Variants in FSIP2 observed in about 807,000 individuals in gnomAD.
FSIP2 encodes the protein fibrous sheath-interacting protein 2.
In FSIP2, 367 loss-of-function variants were observed where a neutral mutation model predicts 510.5. The observed-to-expected ratio is 0.72, with a 90% confidence interval of 0.66 to 0.78. The LOEUF is 0.78. Ranked by LOEUF, FSIP2 falls within the 30% of genes least tolerant of loss-of-function variation. The pLI is 0.00. For synonymous variants in FSIP2, 2,601 were observed against 2,732.2 expected (o/e 0.95, Z 1.50); for missense variants, 7,594 against 7,901.7 (o/e 0.96, Z 1.48).
intron 1 of FSIP2, 64 bp from the exon 2 acceptor site, chr2:185,739,282 T>C (rs1691871526): frequency 7.0e-7 from 1 of 1,431,526 alleles, no homozygotes; most frequent in Admixed American, 2.7e-5. Context: ...TGGAAGTAGA[T>C]TGGTCTAAAC....
In FSIP2 at chr2:185,795,766, AATATTCT is replaced by A; in HGVS notation, c.8631_8637del (p.Glu2877AspfsTer5). The A allele has an allele frequency of 6.5e-7, 1 of 1,533,494 alleles. No individual in the cohort carries two copies. Among genetic ancestry groups the A allele is most frequent in the Non-Finnish European group, 8.7e-7 (1 of 1,144,930 alleles). 95.0% of individuals were successfully genotyped at this position (1,533,494 alleles called of 1,614,324 possible). A position where few individuals can be genotyped will look rare whatever the true frequency, so the allele number is the denominator to read the frequency against. ...ATTTCAATAAAAGCAAAAGAATTAGAATATTCTCTTTCACTTTTAAATTTGCCCCCTC... is the reference window on the plus strand; with the variant it reads ...ATTTCAATAAAAGCAAAAGAATTAGACTTTCACTTTTAAATTTGCCCCCTC... On this transcript the variant is annotated frameshift_variant, in exon 16 of 23. Transcript: ENST00000424728. LOFTEE classifies it high-confidence loss of function.
rs554213397 is a variant in FSIP2 at position 185,829,144 on chromosome 2, A to G, written c.20517+945A>G. On this transcript the variant is annotated intron_variant, in intron 21 of 22. Coordinates refer to ENST00000424728, the MANE Select transcript of FSIP2 (RefSeq NM_173651.4). ...CTAATCTAAGAACCTATTGACACTC[A>G]GTGTGTCAAGTGGAATTTCTGGCTA... Among the ~76,000 whole-genome samples, 24 of 151,980 alleles carry G rather than the reference A, an allele frequency of 1.6e-4. No homozygotes were observed. The East Asian group carries it at 4.5e-3, about 29-fold the overall frequency.
At chr2:185,825,455 G>C (rs1435258635) in intron 20 of FSIP2, among the ~76,000 whole-genome samples, 1 of 151,648 alleles carries the variant, frequency 6.6e-6, no homozygotes, top group Non-Finnish European at 1.5e-5. Flanking sequence ...GGTGAGCACT[G>C]AAAAATTACC....
intron 9 of FSIP2, among the ~76,000 whole-genome samples, chr2:185,756,829 A>G (rs973424125): frequency 6.6e-6 from 1 of 151,438 alleles, no homozygotes; most frequent in Non-Finnish European, 1.5e-5. Context: ...CCATTATTAA[A>G]TTTCAAAGAA....
At chr2:185,762,738 T>C (rs1268824446) in intron 11 of FSIP2, among the ~76,000 whole-genome samples, 1 of 151,552 alleles carries the variant, frequency 6.6e-6, no homozygotes, top group African/African-American at 2.4e-5. Context: ...TCTTCACTAT[T>C]GCAGTAATCT....
intron 19 of FSIP2, among the ~76,000 whole-genome samples, chr2:185,821,096 A>C (rs530385695): frequency 6.7e-6 from 1 of 149,120 alleles, no homozygotes; most frequent in East Asian, 2.0e-4. Context: ...ACTCAGCTAA[A>C]ATCATAAATG....
chr2:185,784,211 TATG>T (rs1314169168), intron 14 of FSIP2: 1 of 152,068 alleles, frequency 6.6e-6, no homozygotes, highest in African/African-American at 2.4e-5. Context: ...ATAAAGTAAA[TATG>T]ACAGCAGTGG....
Position 185,794,987 on chromosome 2 carries a change from A to G in FSIP2, c.7851A>G (p.Glu2617=). 6.5e-7 allele frequency: 1 copy of G among 1,534,154 alleles called. No individual in the cohort carries two copies. The change falls in exon 16 of 23, where the codon GAA becomes GAG. Residue 2617 remains glutamate, a synonymous_variant. Coordinates refer to ENST00000424728, the MANE Select transcript of FSIP2 (RefSeq NM_173651.4). ...ACAGTCAAAATATCTCTGTGATGGA[A>G]AACACTCTTTTGCCATATTTACCAT... is the stretch of plus-strand genomic sequence containing the variant. ...YVDSQNISVM[E]NTLLPYLPLQ...
intron 16 of FSIP2, among the ~76,000 whole-genome samples, chr2:185,798,284 C>G (rs1693347308): frequency 6.6e-6 from 1 of 151,808 alleles, no homozygotes; most frequent in Admixed American, 6.6e-5. Context: ...TTTAAAAGAA[C>G]AGTAGAATTG....
chr2:185,795,814 G>A lies in FSIP2; in HGVS notation c.8678G>A (p.Ser2893Asn), dbSNP rs1023502924. 1.4e-5 allele frequency: 22 copies of A among 1,533,740 alleles called. No individual in the cohort carries two copies. In the Admixed American group the frequency reaches 3.5e-4, roughly 25 times the overall value. The change falls in exon 16 of 23, where the codon AGC (serine) becomes AAC (asparagine). Residue 2893 changes from serine (S) to asparagine (N), a missense_variant. Coordinates refer to ENST00000424728, the MANE Select transcript of FSIP2 (RefSeq NM_173651.4). ...TTGCCCCCTCTTGAGAATTGTGAAA[G>A]CAGGTTTTATAATCATTTTAAAGGA... is the stretch of plus-strand genomic sequence containing the variant. ...LNLPPLENCE[S>N]RFYNHFKGAS... is the part of the protein sequence containing the mutation.
At chr2:185,747,532 A>G in intron 7 of FSIP2, 109 bp downstream of exon 7, 1 of 571,454 alleles carries the variant, frequency 1.7e-6, no homozygotes, top group East Asian at 2.8e-5. Context: ...GTTACTCCAA[A>G]TGATATGCAT....
At chr2:185,755,356 C>A (rs1279863502) in intron 8 of FSIP2, among the ~76,000 whole-genome samples, 1 of 151,540 alleles carries the variant, frequency 6.6e-6, no homozygotes, top group Admixed American at 6.6e-5. Context: ...CAATATCATG[C>A]CTCAGATATG....
In FSIP2 at chr2:185,815,415, A is replaced by C. The variant is rs1347933563; in HGVS notation, c.20370A>C (p.Ile6790=). The C allele has an allele frequency of 1.9e-6, 3 of 1,545,010 alleles. No homozygotes were observed. In the South Asian group the frequency reaches 3.5e-5, roughly 18 times the overall value. The part of the protein sequence containing the change: ...NLVTEPTHYF[I]HRIMSSSSYN... ...TTACTGAACCAACACATTACTTCAT[A>C]CACAGAATTATGAGTTCATCTTCAT... The change falls in exon 19 of 23, where the codon ATA becomes ATC. Residue 6790 remains isoleucine, a synonymous_variant. Transcript: ENST00000424728.
Position 185,802,012 on chromosome 2 carries a change from G to T in FSIP2, c.12706G>T (p.Val4236Leu). The T allele has an allele frequency of 6.5e-7, 1 of 1,527,236 alleles. No homozygotes were observed. Among genetic ancestry groups the T allele is most frequent in the Non-Finnish European group, 8.7e-7 (1 of 1,143,024 alleles). The allele number at this position is 1,527,236 out of a possible 1,614,324, so 94.6% of individuals were successfully genotyped here. The part of the protein sequence containing the change: ...DSLVSIQKSI[V>L]SRSPIMIDQI... The stretch of plus-strand genomic sequence containing the variant: ...TCTTGTTTCAATACAAAAAAGTATA[G>T]TAAGCCGAAGCCCAATTATGATTGA... Residue 4236 changes from valine (V) to leucine (L), a missense_variant, in exon 17 of 23, where the codon GTA (valine) becomes TTA (leucine). Val to Leu is a conservative substitution (Grantham distance 32). Coordinates refer to ENST00000424728, the MANE Select transcript of FSIP2 (RefSeq NM_173651.4).
intron 22 of FSIP2, among the ~76,000 whole-genome samples, 153 bp downstream of exon 22, chr2:185,832,035 A>G (rs981748739): frequency 3.3e-5 from 5 of 152,056 alleles, no homozygotes; most frequent in Admixed American, 2.0e-4. Flanking sequence ...CTGTTTGCAT[A>G]AATACCAATT....
At chr2:185,765,420 T>A (rs537221986) in intron 13 of FSIP2, 1 of 150,852 alleles carries the variant, frequency 6.6e-6, no homozygotes, top group African/African-American at 2.4e-5. Flanking sequence ...CCATTGCTTG[T>A]TTTTCTCAGG....
chr2:185,763,098 G>T, intron 11 of FSIP2, 85 bp from the exon 12 acceptor site: 3 of 676,150 alleles, frequency 4.4e-6, no homozygotes, highest in Non-Finnish European at 7.9e-6. Flanking sequence ...CAGGGAGAAT[G>T]TTGGAGTAAT....
Position 185,833,215 on chromosome 2 carries a change from G to T in FSIP2, c.20713G>T (p.Asp6905Tyr). 6.2e-7 allele frequency: 1 copy of T among 1,606,894 alleles called. No homozygotes were observed. Among genetic ancestry groups the T allele is most frequent in the Non-Finnish European group, 8.5e-7 (1 of 1,176,980 alleles). Residue 6905 changes from aspartate (D) to tyrosine (Y), a missense_variant, in exon 23 of 23, where the codon GAT (aspartate) becomes TAT (tyrosine). By Grantham distance (160) the Asp-to-Tyr change is radical (BLOSUM62 -3). Coordinates refer to ENST00000424728, the MANE Select transcript of FSIP2 (RefSeq NM_173651.4). ...ISRSSSPAHQ[D>Y]EH ...CAGATCTTCCTCACCAGCTCACCAGGATGAACACTGAAGCTTTTGTACCTG... is the reference window on the plus strand; with the variant it reads ...CAGATCTTCCTCACCAGCTCACCAGTATGAACACTGAAGCTTTTGTACCTG...
At chr2:185,823,504 A>G (rs1362177896) in intron 19 of FSIP2, among the ~76,000 whole-genome samples, 1 of 151,574 alleles carries the variant, frequency 6.6e-6, no homozygotes, top group Non-Finnish European at 1.5e-5. Flanking sequence ...CACAATCACA[A>G]GATGCCACTT....
Sources: allele counts gnomAD v4.1 joint callset (sites outside exome capture counted in the v4.1 genomes callset), GRCh38; gene constraint gnomAD v4.1.1; transcripts MANE v1.5; gene names NCBI Gene and HGNC (gene_info 2026-07-23, HGNC 2026-07-21).